PITPNA: variants seen among roughly 807,000 people sequenced by gnomAD.
PITPNA encodes phosphatidylinositol transfer protein alpha isoform.
Under a neutral mutation model 50.3 loss-of-function variants are expected in PITPNA, and 13 were observed. That is an observed-to-expected ratio of 0.26 (90% CI 0.17 to 0.41). The LOEUF is 0.41. Among genes scored for constraint, PITPNA ranks in the 10% least tolerant of loss-of-function variants. The probability of loss-of-function intolerance (pLI) is 1.00; values close to 1 mark genes in which losing one functional copy is unlikely to be tolerated. For synonymous variants in PITPNA, 120 were observed against 119.6 expected (o/e 1.00, Z -0.02); for missense variants, 207 against 333.4 (o/e 0.62, Z 2.95).
In PITPNA at chr17:1,562,390, C is replaced by A; in HGVS notation, c.20+151G>T. 1 of 425,202 alleles carries A rather than the reference C, an allele frequency of 2.4e-6. No homozygotes were observed. Among genetic ancestry groups the A allele is most frequent in the Non-Finnish European group, 3.5e-6 (1 of 282,876 alleles). The allele number at this position is 425,202 out of a possible 1,614,324, so 26.3% of individuals were successfully genotyped here. A position where few individuals can be genotyped will look rare whatever the true frequency, so the allele number is the denominator to read the frequency against. ...GCCTCACGTGCCGCCCGCCCCGGAT[C>A]CCCTCCATCCCCGCTGGGCCCGCCT... is the stretch of plus-strand genomic sequence containing the variant. On this transcript the variant is annotated intron_variant, in intron 1 of 11. Coordinates refer to ENST00000313486, the MANE Select transcript of PITPNA (RefSeq NM_006224.4). The surrounding 1 kb of genome is among the most constrained non-coding windows in gnomAD (Gnocchi z 6.4).
intron 10 of PITPNA, among the ~76,000 whole-genome samples, chr17:1,523,719 C>T (rs1174381406): frequency 1.3e-5 from 2 of 152,060 alleles, no homozygotes; most frequent in African/African-American, 4.8e-5. Context: ...CCATGTTGGT[C>T]AGGATGATCT....
intron 10 of PITPNA, among the ~76,000 whole-genome samples, chr17:1,527,305 G>A (rs1332827818): frequency 6.6e-6 from 1 of 151,958 alleles, no homozygotes; most frequent in African/African-American, 2.4e-5. Flanking sequence ...GTACAATGGT[G>A]CGATCTCAGC....
chr17:1,545,144 T>TAA (rs2075666480), intron 4 of PITPNA, among the ~76,000 whole-genome samples: 2 of 152,208 alleles, frequency 1.3e-5, no homozygotes, highest in Non-Finnish European at 2.9e-5. Context: ...AACTCCTATC[T>TAA]TACCCTCTCC....
chr17:1,529,432 G>A (rs967316101), intron 10 of PITPNA, among the ~76,000 whole-genome samples: 3 of 152,054 alleles, frequency 2.0e-5, no homozygotes, highest in Admixed American at 2.0e-4. Context: ...TGAGGCAGGA[G>A]AATTGCTAGA....
chr17:1,521,647 T>G lies in PITPNA; in HGVS notation c.769-2A>C. 1.9e-6 allele frequency: 3 copies of G among 1,613,288 alleles called. No homozygotes were observed. The highest frequency in any genetic ancestry group is 2.5e-6 in the Non-Finnish European group (3 of 1,179,282). On this transcript the variant is annotated splice_acceptor_variant, in intron 10 of 11. Transcript: ENST00000313486. LOFTEE classifies it high-confidence loss of function. Reference sequence around the variant, plus strand: ...TTTCACTGGGTCCTTTTGTCTCATCTGGAACAAAAAAAGCAGGACAAATGG... The same window carrying G: ...TTTCACTGGGTCCTTTTGTCTCATCGGGAACAAAAAAAGCAGGACAAATGG...
chr17:1,543,074 A>T (rs769352679), intron 4 of PITPNA, 47 bp from the exon 5 acceptor site: 1 of 1,487,344 alleles, frequency 6.7e-7, no homozygotes, highest in Non-Finnish European at 9.2e-7. Flanking sequence ...AAGATTAATG[A>T]AGATGAAGAA....
intron 8 of PITPNA, 43 bp from the exon 9 acceptor site, chr17:1,535,335 C>A (rs1404516398): frequency 9.8e-6 from 15 of 1,533,440 alleles, no homozygotes; most frequent in African/African-American, 1.4e-5. Context: ...TAACAACGGG[C>A]AGACCTCAGG....
At chr17:1,527,206 T>C (rs1034484589) in intron 10 of PITPNA, among the ~76,000 whole-genome samples, 4 of 152,008 alleles carry the variant, frequency 2.6e-5, no homozygotes. Flanking sequence ...CTGAAGAAAA[T>C]GTGTATGTGA....
intron 2 of PITPNA, among the ~76,000 whole-genome samples, chr17:1,553,415 T>A (rs1384944669): frequency 6.6e-6 from 1 of 152,118 alleles, no homozygotes; most frequent in African/African-American, 2.4e-5. Flanking sequence ...TTTATTTATT[T>A]TTTTTGGTAG....
intron 8 of PITPNA, 35 bp downstream of exon 8, chr17:1,535,406 G>T (rs1363061205): frequency 6.4e-7 from 1 of 1,574,034 alleles, no homozygotes; most frequent in Non-Finnish European, 8.7e-7. Context: ...CCCACATGCT[G>T]CCCAGCCCCC....
At chr17:1,533,226 C>T (rs1457176983) in intron 10 of PITPNA, among the ~76,000 whole-genome samples, 1 of 152,152 alleles carries the variant, frequency 6.6e-6, no homozygotes, top group Non-Finnish European at 1.5e-5. Flanking sequence ...GGCAGGAGGG[C>T]CCAAAATTGC....
chr17:1,538,872 G>T lies in PITPNA; in HGVS notation c.453C>A (p.Ser151Arg). The T allele has an allele frequency of 6.2e-7, 1 of 1,608,640 alleles. No homozygotes were observed. The highest frequency in any genetic ancestry group is 8.5e-7 in the Non-Finnish European group (1 of 1,175,138). The change falls in exon 7 of 12, where the codon AGC becomes AGA. Residue 151 changes from serine to arginine, a missense_variant. Ser to Arg is a moderately radical substitution (Grantham distance 110, BLOSUM62 -1). Coordinates refer to ENST00000313486, the MANE Select transcript of PITPNA (RefSeq NM_006224.4). Reference sequence around the variant, plus strand: ...CACGTCTTTAAACGGATCCTACCTTGCTGAGCACTTGGCTTCGATCTGCAA... The same window carrying T: ...CACGTCTTTAAACGGATCCTACCTTTCTGAGCACTTGGCTTCGATCTGCAA... ...IDIADRSQVL[S>R]KDYKAEEDPA...
chr17:1,559,515 A>C (rs1008563663), intron 1 of PITPNA: 1 of 152,292 alleles, frequency 6.6e-6, no homozygotes, highest in African/African-American at 2.4e-5. Flanking sequence ...TACCCATACA[A>C]GTCCAGCCAG....
chr17:1,534,194 G>A lies in PITPNA; in HGVS notation c.673C>T (p.His225Tyr), dbSNP rs1250009099. The A allele has an allele frequency of 6.2e-7, 1 of 1,613,892 alleles. No homozygotes were observed. Among genetic ancestry groups the A allele is most frequent in the Non-Finnish European group, 8.5e-7 (1 of 1,179,864 alleles). The stretch of plus-strand genomic sequence containing the variant: ...TCGAGCCAACAGAACAGCTGCCTGT[G>A]GAAGTTTGTAAACAGACGCCTCTCT... Reference protein sequence around the residue: ...KQERRLFTNFHRQLFCWLDKW... With the variant: ...KQERRLFTNFYRQLFCWLDKW... The change falls in exon 10 of 12, where the codon CAC becomes TAC. Residue 225 changes from histidine (H) to tyrosine (Y), a missense_variant. His to Tyr is a moderately conservative substitution (Grantham distance 83). Transcript: ENST00000313486.
intron 5 of PITPNA, among the ~76,000 whole-genome samples, chr17:1,541,937 C>T (rs777700995): frequency 4.6e-5 from 7 of 151,956 alleles, no homozygotes; most frequent in Admixed American, 2.0e-4. Flanking sequence ...TGGTGGCTCA[C>T]GCCTGTCATC....
intron 3 of PITPNA, among the ~76,000 whole-genome samples, chr17:1,550,769 C>G (rs544953380): frequency 2.0e-5 from 3 of 152,236 alleles, no homozygotes; most frequent in African/African-American, 7.2e-5. Flanking sequence ...TAAGTTATGT[C>G]AGACAGCACG....
At chr17:1,553,353 G>A (rs897456312) in intron 2 of PITPNA, among the ~76,000 whole-genome samples, 3 of 152,110 alleles carry the variant, frequency 2.0e-5, no homozygotes, top group Non-Finnish European at 2.9e-5. Context: ...CCCATCAGAC[G>A]TGTTTAGTTC....
chr17:1,524,107 C>T lies in PITPNA; in HGVS notation c.769-2462G>A, dbSNP rs1295769174. ...TCACCCAGGCTGGTGTGCAGTGGCA[C>T]GATCTTGGCTCACTGCAAGCTCTGC... On this transcript the variant is annotated intron_variant, in intron 10 of 11. Transcript: ENST00000313486. Among the ~76,000 whole-genome samples, 4 of 147,282 alleles carry T rather than the reference C, an allele frequency of 2.7e-5. No homozygotes were observed. In the East Asian group the frequency reaches 6.1e-4, roughly 22 times the overall value.
intron 11 of PITPNA, among the ~76,000 whole-genome samples, 198 bp from the exon 12 acceptor site, chr17:1,520,736 CCCCGAGGCTGCTTT>C (rs1182859949): frequency 6.6e-6 from 1 of 152,160 alleles, no homozygotes; most frequent in African/African-American, 2.4e-5. Context: ...CCTCCAGCCT[CCCCGAGGCTGCTTT>C]GGGAACATGG....
Sources: allele counts gnomAD v4.1 joint callset (sites outside exome capture counted in the v4.1 genomes callset), GRCh38; gene constraint gnomAD v4.1.1; non-coding constraint Gnocchi (gnomAD v3.1); transcripts MANE v1.5; gene names NCBI Gene and HGNC (gene_info 2026-07-23, HGNC 2026-07-21).